PPIP5K1: variants seen among roughly 807,000 people sequenced by gnomAD.
The protein encoded by PPIP5K1 is diphosphoinositol pentakisphosphate kinase 1.
A neutral mutation model predicts 27.7 loss-of-function variants in PPIP5K1; 6 were observed. The ratio of observed to expected loss-of-function variants is 0.22; its 90% CI spans 0.12 to 0.43. The LOEUF is 0.43. PPIP5K1 is among the 20% of genes least tolerant of loss of function. The probability of loss-of-function intolerance (pLI) is 1.00; values close to 1 mark genes in which losing one functional copy is unlikely to be tolerated. For missense variants in PPIP5K1, 394 were observed against 635.4 expected (o/e 0.62, Z 4.08); for synonymous variants, 145 against 242.6 (o/e 0.60, Z 3.74).
At chr15:43,541,742 AAG>A (rs1555422536) in intron 30 of PPIP5K1, among the ~76,000 whole-genome samples, 2 of 151,776 alleles carry the variant, frequency 1.3e-5, no homozygotes, top group Admixed American at 6.6e-5. Context: ...AAAAAAAAAA[AAG>A]AGAGAAAAGA....
intron 28 of PPIP5K1, among the ~76,000 whole-genome samples, chr15:43,560,978 C>T (rs1452673195): frequency 2.0e-5 from 3 of 150,146 alleles, no homozygotes; most frequent in Non-Finnish European, 3.0e-5. Context: ...ATTGGATGAA[C>T]CCTACTTAGG....
At chr15:43,555,370 G>A (rs1184002217) in intron 30 of PPIP5K1, among the ~76,000 whole-genome samples, 2 of 151,270 alleles carry the variant, frequency 1.3e-5, no homozygotes, top group Non-Finnish European at 3.0e-5. Flanking sequence ...TCACCTCCCA[G>A]GCTCAGGTGA....
intron 30 of PPIP5K1, among the ~76,000 whole-genome samples, chr15:43,557,309 T>C (rs1031644837): frequency 5.9e-5 from 9 of 152,052 alleles, no homozygotes; most frequent in Admixed American, 6.6e-5. Context: ...TAGCCAGGCA[T>C]GGTGGCTTGT....
At position 43,558,898 on chromosome 15, in the gene PPIP5K1, G is replaced by A. The variant is rs1307184948; in HGVS notation, c.3453C>T (p.Tyr1151=). 7 of 1,613,798 alleles carry A rather than the reference G, an allele frequency of 4.3e-6. No individual in the cohort carries two copies. Among genetic ancestry groups the A allele is most frequent in the African/African-American group, 2.7e-5 (2 of 74,896 alleles). ...GGGCATTATGCAGTGTTTCCAGAGG[G>A]TAGATGGTAGGCACCATGGAACACC... ...FEGCSMVPTI[Y]PLETLHNALS... The change falls in exon 30 of 32, where the codon TAC becomes TAT. Residue 1151 remains tyrosine, a synonymous_variant. Coordinates refer to ENST00000420765, the MANE Select transcript of PPIP5K1 (RefSeq NM_001394395.1).
At chr15:43,545,999 T>C (rs1313741903) in intron 30 of PPIP5K1, among the ~76,000 whole-genome samples, 1 of 152,000 alleles carries the variant, frequency 6.6e-6, no homozygotes, top group African/African-American at 2.4e-5. Flanking sequence ...ATAAACTTGC[T>C]TTCACTTTAT....
At chr15:43,549,056 A>AAAATATATATATAT (rs1567039538) in intron 30 of PPIP5K1, among the ~76,000 whole-genome samples, 1 of 54,290 alleles carries the variant, frequency 1.8e-5, no homozygotes, top group Non-Finnish European at 2.8e-5. Flanking sequence ...AAAAAAAAAA[A>AAAATATATATATAT]ATATATATAT....
rs1326612758 is a variant in PPIP5K1 at position 43,535,302 on chromosome 15, A to G, written c.3845T>C (p.Leu1282Pro). The G allele has an allele frequency of 5.0e-6, 8 of 1,613,960 alleles. No homozygotes were observed. Among genetic ancestry groups the G allele is most frequent in the African/African-American group, 1.3e-5 (1 of 74,876 alleles). ...AAGCTCTTGCTCCCCTTCTATGGAG[A>G]GCTCTTGTGCTCCACTCCCAGGGGT... ...QETPGSGAQE[L>P]SIEGEQELFE... The change falls in exon 32 of 32, where the codon CTC becomes CCC. Residue 1282 changes from leucine (L) to proline (P), a missense_variant. Leu to Pro is a moderately conservative substitution (Grantham distance 98). This residue lies in a region of PPIP5K1 where 379 missense variants were observed against 423.9 expected (regional missense o/e 0.89). Transcript: ENST00000420765.
At chr15:43,551,606 GT>G (rs1293557795) in intron 30 of PPIP5K1, among the ~76,000 whole-genome samples, 18 of 105,428 alleles carry the variant, frequency 1.7e-4, no homozygotes, top group Admixed American at 4.0e-4. Context: ...TCTTGATTCA[GT>G]TTTTTTTTTT....
intron 30 of PPIP5K1, among the ~76,000 whole-genome samples, chr15:43,546,587 A>G (rs2081394409): frequency 6.6e-6 from 1 of 150,952 alleles, no homozygotes; most frequent in African/African-American, 2.4e-5. Context: ...CATCATCCTC[A>G]GCTTTGATTA....
At chr15:43,543,974 G>A (rs924804403) in intron 30 of PPIP5K1, among the ~76,000 whole-genome samples, 9 of 152,046 alleles carry the variant, frequency 5.9e-5, no homozygotes, top group Admixed American at 5.9e-4. Context: ...TTTTACCCAT[G>A]TGGTTATGTT....
chr15:43,548,172 C>T (rs549690345), intron 30 of PPIP5K1, among the ~76,000 whole-genome samples: 1 of 151,912 alleles, frequency 6.6e-6, no homozygotes, highest in African/African-American at 2.4e-5. Flanking sequence ...GATCTTGGCT[C>T]ACTGCAACCT....
chr15:43,551,244 G>T (rs760195633), intron 30 of PPIP5K1, among the ~76,000 whole-genome samples: 1 of 151,906 alleles, frequency 6.6e-6, no homozygotes, highest in Non-Finnish European at 1.5e-5. Flanking sequence ...TTGGCTGGAC[G>T]CAGTGGCTTA....
chr15:43,549,699 C>CTGGG (rs2081952779), intron 30 of PPIP5K1, among the ~76,000 whole-genome samples: 1 of 152,020 alleles, frequency 6.6e-6, no homozygotes, highest in Non-Finnish European at 1.5e-5. Flanking sequence ...TTTTGTAAGC[C>CTGGG]TGGGCTCATG....
At chr15:43,540,962 T>C (rs2080617012) in intron 30 of PPIP5K1, among the ~76,000 whole-genome samples, 1 of 152,106 alleles carries the variant, frequency 6.6e-6, no homozygotes, top group South Asian at 2.1e-4. Flanking sequence ...TTAAAAATTA[T>C]TGCCTAGTAT....
chr15:43,541,473 T>C (rs2080697538), intron 30 of PPIP5K1, among the ~76,000 whole-genome samples: 8 of 152,022 alleles, frequency 5.3e-5, no homozygotes, highest in Admixed American at 4.6e-4. Context: ...TCCCAGCACT[T>C]TGGGAGGCCG....
In PPIP5K1 at chr15:43,535,100, G is replaced by A. The variant is rs1411712384; in HGVS notation, c.4047C>T (p.Asn1349=). ...GGCATGTGTGGTTACCATTGTCATG[G>A]TTCTCCTGGCATTGCTGGCTGATGT... ...VPDISQQCQE[N]HDNGNHTCQE... is the part of the protein sequence containing the mutation. Residue 1349 remains asparagine (N), a synonymous_variant, in exon 32 of 32, where the codon AAC becomes AAT. Transcript: ENST00000420765. The A allele has an allele frequency of 3.1e-6, 5 of 1,613,570 alleles. No homozygotes were observed. Among genetic ancestry groups the A allele is most frequent in the African/African-American group, 1.3e-5 (1 of 74,730 alleles).
rs896871899 is a variant in PPIP5K1, at chr15:43,533,881, T to C, written c.*793A>G. 2 of 152,184 alleles carry C rather than the reference T, an allele frequency of 1.3e-5. No individual in the cohort carries two copies. Among genetic ancestry groups the C allele is most frequent in the Non-Finnish European group, 2.9e-5 (2 of 68,048 alleles). 9.4% of individuals were successfully genotyped at this position (152,184 alleles called of 1,614,324 possible). On this transcript the variant is annotated 3_prime_UTR_variant, in exon 32 of 32. Coordinates refer to ENST00000420765, the MANE Select transcript of PPIP5K1 (RefSeq NM_001394395.1). ...AATCCTCTAGAGCATTTTAAGTAGTTGCTCTGAATTTTGCACAGCAGTCTA... is the reference window on the plus strand; with the variant it reads ...AATCCTCTAGAGCATTTTAAGTAGTCGCTCTGAATTTTGCACAGCAGTCTA...
intron 30 of PPIP5K1, among the ~76,000 whole-genome samples, chr15:43,544,297 CTTG>C (rs2081117885): frequency 6.6e-6 from 1 of 152,052 alleles, no homozygotes; most frequent in Admixed American, 6.6e-5. Flanking sequence ...TATTCTACAT[CTTG>C]TTTTTTTCAC....
intron 30 of PPIP5K1, among the ~76,000 whole-genome samples, chr15:43,558,584 T>G (rs2083340282): frequency 6.6e-6 from 1 of 152,014 alleles, no homozygotes; most frequent in Non-Finnish European, 1.5e-5. Context: ...CTCAAACTCC[T>G]GACCTCAGGT....
Sources: gnomAD v4.1 joint callset for allele counts (sites outside exome capture counted in the v4.1 genomes callset) on GRCh38, gnomAD v4.1.1 for gene constraint, gnomAD v4.1.1 regional missense constraint, MANE v1.5 for transcripts, NCBI Gene and HGNC (gene_info 2026-07-23, HGNC 2026-07-21) for gene names.